PLCB1: variants seen among roughly 807,000 people sequenced by gnomAD.
PLCB1 encodes the protein phospholipase C beta 1.
PLCB1 carries 46 observed loss-of-function variants against 161.8 expected under a neutral mutation model. The ratio of observed to expected loss-of-function variants is 0.28; its 90% CI spans 0.22 to 0.36. The LOEUF is 0.36. Ranked by LOEUF, PLCB1 falls within the 10% of genes least tolerant of loss-of-function variation. The pLI, the probability that PLCB1 is intolerant of heterozygous loss-of-function variation, is 1.00. For missense variants in PLCB1, 1,016 were observed against 1,472.5 expected (o/e 0.69, Z 5.07); for synonymous variants, 517 against 503.7 (o/e 1.03, Z -0.35).
intron 2 of PLCB1, among the ~76,000 whole-genome samples, chr20:8,213,554 T>C (rs1978947540): frequency 6.6e-6 from 1 of 152,088 alleles, no homozygotes; most frequent in Non-Finnish European, 1.5e-5. Flanking sequence ...AGGTGAAGTT[T>C]GGTCAAAGGT....
intron 2 of PLCB1, among the ~76,000 whole-genome samples, chr20:8,200,290 C>T (rs1193156365): frequency 6.6e-6 from 1 of 151,950 alleles, no homozygotes; most frequent in African/African-American, 2.4e-5. Context: ...ATGAAATAGG[C>T]CTTAATATTT....
chr20:8,330,461 G>A (rs932721984), intron 2 of PLCB1, among the ~76,000 whole-genome samples: 6 of 152,152 alleles, frequency 3.9e-5, no homozygotes, highest in East Asian at 3.8e-4. Flanking sequence ...CTTAGCAGGC[G>A]CTCAAATGTT....
intron 31 of PLCB1, among the ~76,000 whole-genome samples, chr20:8,858,050 C>G (rs1987126913): frequency 6.6e-6 from 1 of 152,078 alleles, no homozygotes; most frequent in Non-Finnish European, 1.5e-5. Flanking sequence ...TTGAGGGTGT[C>G]ATTTGAATAA....
At chr20:8,776,616 T>G (rs1289597597) in intron 27 of PLCB1, among the ~76,000 whole-genome samples, 1 of 152,216 alleles carries the variant, frequency 6.6e-6, no homozygotes, top group Non-Finnish European at 1.5e-5. Context: ...TAGAATCAAT[T>G]TTAGAGCATT....
intron 2 of PLCB1, among the ~76,000 whole-genome samples, chr20:8,302,411 T>C (rs1983949264): frequency 6.6e-6 from 1 of 152,248 alleles, no homozygotes; most frequent in Non-Finnish European, 1.5e-5. Context: ...GGCAACTTGA[T>C]AATGTGGCCC....
chr20:8,312,657 C>T (rs1257907891), intron 2 of PLCB1, among the ~76,000 whole-genome samples: 3 of 152,118 alleles, frequency 2.0e-5, no homozygotes, highest in Non-Finnish European at 4.4e-5. Context: ...CAAGGCAAAG[C>T]ATGTTTATTT....
chr20:8,629,513 C>T (rs6077398), intron 4 of PLCB1, among the ~76,000 whole-genome samples: 21,959 of 152,164 alleles, frequency 0.14, 1,582 homozygotes, highest in Middle Eastern at 0.21. Context: ...TAAAGAAGAG[C>T]TTTCTTTTTC....
intron 2 of PLCB1, among the ~76,000 whole-genome samples, chr20:8,300,230 AG>A (rs2123318345): frequency 6.6e-6 from 1 of 152,346 alleles, no homozygotes; most frequent in East Asian, 1.9e-4. Flanking sequence ...AGAGATATCA[AG>A]TACGAGTATT....
At chr20:8,528,748 T>G (rs902623452) in intron 3 of PLCB1, among the ~76,000 whole-genome samples, 2 of 151,940 alleles carry the variant, frequency 1.3e-5, no homozygotes, top group Non-Finnish European at 2.9e-5. Flanking sequence ...GGTAACATTC[T>G]GTAAAAGAGG....
At chr20:8,172,041 C>T (rs922280930) in intron 2 of PLCB1, among the ~76,000 whole-genome samples, 9 of 152,066 alleles carry the variant, frequency 5.9e-5, no homozygotes, top group African/African-American at 1.9e-4. Flanking sequence ...TTTGGTGTAA[C>T]CACTGTAATC....
intron 3 of PLCB1, among the ~76,000 whole-genome samples, chr20:8,528,676 G>A (rs566640236): frequency 1.3e-5 from 2 of 151,958 alleles, no homozygotes; most frequent in African/African-American, 4.8e-5. Context: ...AACCAATGCC[G>A]GGATTTCCGT....
intron 3 of PLCB1, among the ~76,000 whole-genome samples, chr20:8,528,991 G>A (rs1984692692): frequency 6.6e-6 from 1 of 151,894 alleles, no homozygotes; most frequent in Admixed American, 6.6e-5. Context: ...ACCTTCTAAC[G>A]ATTCCTCATT....
chr20:8,561,713 A>T (rs1986146024), intron 3 of PLCB1, among the ~76,000 whole-genome samples: 1 of 152,056 alleles, frequency 6.6e-6, no homozygotes, highest in African/African-American at 2.4e-5. Context: ...TCATTAACAG[A>T]TGCAATTAGA....
chr20:8,811,790 C>T (rs1984834771), intron 31 of PLCB1, among the ~76,000 whole-genome samples: 1 of 152,232 alleles, frequency 6.6e-6, no homozygotes, highest in Non-Finnish European at 1.5e-5. Flanking sequence ...GAGGTGTCTA[C>T]AGACCAAGAG....
chr20:8,568,400 T>C (rs528651267), intron 3 of PLCB1, among the ~76,000 whole-genome samples: 1 of 152,300 alleles, frequency 6.6e-6, no homozygotes, highest in African/African-American at 2.4e-5. Context: ...AAGATTTCCT[T>C]AAAGCATAAT....
chr20:8,390,256 G>A (rs1056348156), intron 3 of PLCB1, among the ~76,000 whole-genome samples: 6 of 152,052 alleles, frequency 3.9e-5, no homozygotes. Flanking sequence ...CTTTCTCCTC[G>A]GCTTACAGAT....
At chr20:8,254,056 A>T (rs1981287171) in intron 2 of PLCB1, among the ~76,000 whole-genome samples, 1 of 152,004 alleles carries the variant, frequency 6.6e-6, no homozygotes, top group South Asian at 2.1e-4. Flanking sequence ...GGACTTTGCT[A>T]TTCACACATA....
At chr20:8,463,777 G>A (rs1269121507) in intron 3 of PLCB1, among the ~76,000 whole-genome samples, 1 of 152,114 alleles carries the variant, frequency 6.6e-6, no homozygotes, top group Non-Finnish European at 1.5e-5. Flanking sequence ...AATATGTTCA[G>A]CATTTTAGCT....
intron 2 of PLCB1, among the ~76,000 whole-genome samples, chr20:8,289,074 A>G (rs1209365681): frequency 6.6e-6 from 1 of 152,142 alleles, no homozygotes; most frequent in African/African-American, 2.4e-5. Flanking sequence ...AGTGGATGCT[A>G]TCAGTGTCCC....
Sources: allele counts gnomAD v4.1 joint callset (sites outside exome capture counted in the v4.1 genomes callset), GRCh38; gene constraint gnomAD v4.1.1; transcripts MANE v1.5; gene names NCBI Gene and HGNC (gene_info 2026-07-23, HGNC 2026-07-21).